GRID2: variants seen among roughly 807,000 people sequenced by gnomAD.
GRID2 encodes the protein glutamate ionotropic receptor delta type subunit 2.
Under a neutral mutation model 114.8 loss-of-function variants are expected in GRID2, and 33 were observed. That is an observed-to-expected ratio of 0.29 (90% CI 0.22 to 0.38). The LOEUF (loss-of-function observed/expected upper bound fraction) is 0.38. Ranked by LOEUF, GRID2 falls within the 10% of genes least tolerant of loss-of-function variation. The probability of loss-of-function intolerance (pLI) is 1.00; values close to 1 mark genes in which losing one functional copy is unlikely to be tolerated. For synonymous variants in GRID2, 505 were observed against 449.9 expected (o/e 1.12, Z -1.55); for missense variants, 1,184 against 1,257.7 (o/e 0.94, Z 0.89).
intron 14 of GRID2, among the ~76,000 whole-genome samples, chr4:93,655,395 T>C (rs1722914297): frequency 6.6e-6 from 1 of 152,150 alleles, no homozygotes. Flanking sequence ...CATATTTTCC[T>C]AAAGTAATAT....
intron 13 of GRID2, among the ~76,000 whole-genome samples, chr4:93,574,230 A>G (rs939341653): frequency 2.0e-5 from 3 of 152,128 alleles, no homozygotes; most frequent in Admixed American, 6.5e-5. Flanking sequence ...AGTATCATTT[A>G]TCTTTCCTGT....
At chr4:92,864,340 C>T (rs1744722993) in intron 2 of GRID2, among the ~76,000 whole-genome samples, 1 of 152,328 alleles carries the variant, frequency 6.6e-6, no homozygotes, top group East Asian at 1.9e-4. Context: ...TCGTTACAGT[C>T]TTTTCAATAG....
At chr4:92,639,359 T>C (rs934152818) in intron 2 of GRID2, among the ~76,000 whole-genome samples, 4 of 151,846 alleles carry the variant, frequency 2.6e-5, no homozygotes, top group Non-Finnish European at 5.9e-5. Context: ...CTACAGTTAA[T>C]ATAAAAACAA....
At chr4:93,456,750 C>G (rs1177615831) in intron 11 of GRID2, among the ~76,000 whole-genome samples, 1 of 152,172 alleles carries the variant, frequency 6.6e-6, no homozygotes, top group African/African-American at 2.4e-5. Flanking sequence ...AGACATTATA[C>G]TTTTGTGCTA....
intron 1 of GRID2, among the ~76,000 whole-genome samples, chr4:92,340,876 CTG>C (rs1560575941): frequency 2.6e-5 from 4 of 152,108 alleles, no homozygotes; most frequent in African/African-American, 9.7e-5. Context: ...TTCTCTGTCT[CTG>C]AGTTTTTTTC....
chr4:93,213,128 A>T (rs530398318), intron 5 of GRID2, among the ~76,000 whole-genome samples: 1 of 152,086 alleles, frequency 6.6e-6, no homozygotes, highest in Non-Finnish European at 1.5e-5. Flanking sequence ...TGTGTAATGG[A>T]TGTTTTTAAT....
At chr4:93,803,589 G>T (rs1734976423) in intron 1 of GRID2, among the ~76,000 whole-genome samples, 1 of 152,056 alleles carries the variant, frequency 6.6e-6, no homozygotes, top group Non-Finnish European at 1.5e-5. Context: ...GGGCATGGTG[G>T]CACGCACCTG....
intron 9 of GRID2, among the ~76,000 whole-genome samples, chr4:93,402,270 AATTG>A (rs1348387170): frequency 1.3e-5 from 2 of 152,116 alleles, no homozygotes; most frequent in South Asian, 4.1e-4. Flanking sequence ...TTTTCTGCTT[AATTG>A]ATCTTTGAAT....
At chr4:93,446,523 C>T (rs1015407604) in intron 10 of GRID2, among the ~76,000 whole-genome samples, 4 of 152,014 alleles carry the variant, frequency 2.6e-5, no homozygotes, top group African/African-American at 9.7e-5. Flanking sequence ...TAATAGAGAT[C>T]AGGCTGTTAA....
chr4:92,784,935 A>C (rs139496390), intron 2 of GRID2, among the ~76,000 whole-genome samples: 228 of 151,936 alleles, frequency 1.5e-3, no homozygotes, highest in Non-Finnish European at 1.7e-3. Context: ...ATGGGTATGA[A>C]TTATGTGGTA....
At chr4:92,975,143 T>C (rs1282950050) in intron 2 of GRID2, among the ~76,000 whole-genome samples, 3 of 26,896 alleles carry the variant, frequency 1.1e-4, no homozygotes, top group Non-Finnish European at 1.7e-4. Flanking sequence ...GGCGACAGAG[T>C]GAGATTCCGC....
chr4:93,633,625 G>A (rs1721146297), intron 14 of GRID2, among the ~76,000 whole-genome samples: 1 of 151,994 alleles, frequency 6.6e-6, no homozygotes, highest in South Asian at 2.1e-4. Flanking sequence ...AATTTCTAAA[G>A]TCTTCCTTCT....
At chr4:92,369,195 T>C (rs1211897752) in intron 1 of GRID2, among the ~76,000 whole-genome samples, 1 of 152,080 alleles carries the variant, frequency 6.6e-6, no homozygotes, top group Non-Finnish European at 1.5e-5. Flanking sequence ...CCAAGTTACA[T>C]CTTTTGACTC....
At chr4:92,617,911 A>G (rs964715262) in intron 2 of GRID2, among the ~76,000 whole-genome samples, 2 of 151,668 alleles carry the variant, frequency 1.3e-5, no homozygotes. Context: ...TAGTCTAGAT[A>G]TTAATCCCCT....
chr4:92,957,013 G>A (rs1195643752), intron 2 of GRID2, among the ~76,000 whole-genome samples: 1 of 151,912 alleles, frequency 6.6e-6, no homozygotes, highest in Non-Finnish European at 1.5e-5. Context: ...TTTTCTTTTT[G>A]TTGAATTTTA....
At chr4:93,401,930 T>C (rs1765932208) in intron 9 of GRID2, among the ~76,000 whole-genome samples, 1 of 151,800 alleles carries the variant, frequency 6.6e-6, no homozygotes, top group African/African-American at 2.4e-5. Flanking sequence ...GAATTTCTTT[T>C]TTTTTTTTTA....
intron 1 of GRID2, among the ~76,000 whole-genome samples, chr4:92,505,081 T>C (rs1206218449): frequency 6.6e-6 from 1 of 152,010 alleles, no homozygotes; most frequent in African/African-American, 2.4e-5. Flanking sequence ...AGAGTTAATC[T>C]ACAAAACTTG....
At chr4:93,678,034 AT>A (rs1725088846) in intron 14 of GRID2, among the ~76,000 whole-genome samples, 1 of 152,142 alleles carries the variant, frequency 6.6e-6, no homozygotes, top group African/African-American at 2.4e-5. Context: ...CTTGGAAAAA[AT>A]TTAGACGAAT....
chr4:93,080,395 AC>A (rs1281139619), intron 2 of GRID2, among the ~76,000 whole-genome samples: 1 of 152,192 alleles, frequency 6.6e-6, no homozygotes, highest in Non-Finnish European at 1.5e-5. Context: ...TAAAAAGTCA[AC>A]AAATATTAGA....
Sources: allele counts gnomAD v4.1 joint callset (sites outside exome capture counted in the v4.1 genomes callset), GRCh38; gene constraint gnomAD v4.1.1; transcripts MANE v1.5; gene names NCBI Gene and HGNC (gene_info 2026-07-23, HGNC 2026-07-21).